The following DISC1 variants were observed in gnomAD, a reference collection of about 807,000 sequenced individuals.
DISC1 encodes disrupted in schizophrenia 1 protein.
Under a neutral mutation model 84.5 loss-of-function variants are expected in DISC1, and 57 were observed. The ratio of observed to expected loss-of-function variants is 0.67; its 90% CI spans 0.55 to 0.84. The LOEUF is 0.84. Ranked by LOEUF, DISC1 falls within the 40% of genes least tolerant of loss-of-function variation. DISC1 has a pLI of 0.00. For missense variants in DISC1, 1,000 were observed against 1,057.8 expected, an observed-to-expected ratio of 0.95 and a Z score of 0.76; for synonymous variants, 411 against 415.2, an observed-to-expected ratio of 0.99 and a Z score of 0.12.
At chr1:231,635,465 C>T (rs895047614) in intron 1 of DISC1, among the ~76,000 whole-genome samples, 1 of 152,048 alleles carries the variant, frequency 6.6e-6, no homozygotes, top group Non-Finnish European at 1.5e-5. Flanking sequence ...TCTCTGGAAT[C>T]GTCTGCTCTC....
At chr1:231,747,250 C>A (rs11585478) in intron 3 of DISC1, among the ~76,000 whole-genome samples, 33,834 of 151,878 alleles carry the variant, frequency 0.22, 3,964 homozygotes, top group East Asian at 0.43. Context: ...GTTTTCTTTG[C>A]TGTGCAGAAG....
intron 9 of DISC1, among the ~76,000 whole-genome samples, chr1:231,944,325 A>G (rs2091499120): frequency 6.6e-6 from 1 of 152,186 alleles, no homozygotes; most frequent in African/African-American, 2.4e-5. Flanking sequence ...AGCTACTCCC[A>G]GCTGTCAGCC....
chr1:231,726,839 TATC>T (rs1355470723), intron 3 of DISC1, among the ~76,000 whole-genome samples: 1 of 152,166 alleles, frequency 6.6e-6, no homozygotes, highest in Non-Finnish European at 1.5e-5. Context: ...TTTCTAGAAA[TATC>T]ATATCCATAA....
chr1:231,958,761 G>A, intron 9 of DISC1, 67 bp from the exon 10 acceptor site: 2 of 1,496,330 alleles, frequency 1.3e-6, no homozygotes, highest in Admixed American at 1.7e-5. Flanking sequence ...TGAGCTTTTA[G>A]TTGAATGGTT....
At chr1:231,972,026 T>G (rs1662032848) in intron 10 of DISC1, among the ~76,000 whole-genome samples, 1 of 152,246 alleles carries the variant, frequency 6.6e-6, no homozygotes, top group Non-Finnish European at 1.5e-5. Flanking sequence ...ATGCTGGTTA[T>G]CAGCTGTGGT....
chr1:232,003,843 A>G (rs1195492588), intron 10 of DISC1, among the ~76,000 whole-genome samples: 2 of 152,020 alleles, frequency 1.3e-5, no homozygotes, highest in Non-Finnish European at 2.9e-5. Context: ...TAACAAGGGA[A>G]CCATTAGGAA....
intron 8 of DISC1, among the ~76,000 whole-genome samples, chr1:231,802,374 A>C (rs2079341141): frequency 6.6e-6 from 1 of 152,092 alleles, no homozygotes; most frequent in African/African-American, 2.4e-5. Context: ...CTTGTGAAGA[A>C]GGTGCCTTGC....
chr1:231,748,602 G>T (rs948668906), intron 3 of DISC1, among the ~76,000 whole-genome samples: 2 of 152,102 alleles, frequency 1.3e-5, no homozygotes, highest in African/African-American at 4.8e-5. Flanking sequence ...CTTGATCATG[G>T]TATATTATCT....
chr1:231,697,868 T>C (rs2065915954), intron 2 of DISC1, among the ~76,000 whole-genome samples: 1 of 152,196 alleles, frequency 6.6e-6, no homozygotes, highest in Non-Finnish European at 1.5e-5. Context: ...TACTACAAAC[T>C]AGTATCCTTT....
intron 10 of DISC1, among the ~76,000 whole-genome samples, chr1:231,982,645 C>T (rs1449266903): frequency 1.3e-5 from 2 of 152,146 alleles, no homozygotes; most frequent in Non-Finnish European, 2.9e-5. Flanking sequence ...CTGGACAGTA[C>T]TACTTTAGAC....
intron 9 of DISC1, among the ~76,000 whole-genome samples, chr1:231,875,464 G>T (rs890160706): frequency 5.3e-5 from 8 of 152,194 alleles, no homozygotes; most frequent in Non-Finnish European, 1.2e-4. Flanking sequence ...GCCTACCAAG[G>T]TTTGAAATCA....
intron 9 of DISC1, among the ~76,000 whole-genome samples, chr1:231,824,854 C>G (rs1009047607): frequency 1.3e-5 from 2 of 151,822 alleles, no homozygotes; most frequent in South Asian, 4.2e-4. Flanking sequence ...ACTGTAGAAC[C>G]AGATCTTGAA....
At chr1:231,869,261 T>C (rs1057362010) in intron 9 of DISC1, among the ~76,000 whole-genome samples, 1 of 152,118 alleles carries the variant, frequency 6.6e-6, no homozygotes, top group African/African-American at 2.4e-5. Flanking sequence ...GGGGAGTCTG[T>C]CTTGTCTTTA....
At chr1:231,805,006 A>G (rs1051911394) in intron 8 of DISC1, among the ~76,000 whole-genome samples, 2 of 152,244 alleles carry the variant, frequency 1.3e-5, no homozygotes, top group South Asian at 4.1e-4. Flanking sequence ...GTAGGCTAGT[A>G]TAGGAAATCT....
intron 1 of DISC1, among the ~76,000 whole-genome samples, chr1:231,658,592 C>A (rs895809172): frequency 6.6e-6 from 1 of 152,116 alleles, no homozygotes; most frequent in African/African-American, 2.4e-5. Flanking sequence ...TTTGCCCAGT[C>A]AGTATGATAT....
chr1:231,807,643 T>C (rs1275488549), intron 8 of DISC1, among the ~76,000 whole-genome samples: 1 of 152,182 alleles, frequency 6.6e-6, no homozygotes, highest in Non-Finnish European at 1.5e-5. Context: ...TCTCATAGGA[T>C]CCATCCTCTG....
intron 10 of DISC1, among the ~76,000 whole-genome samples, chr1:231,982,989 A>G (rs139024360): frequency 8.1e-4 from 123 of 152,312 alleles, no homozygotes; most frequent in African/African-American, 2.8e-3. Context: ...AGACAAGTCT[A>G]AAAAATGTAA....
At chr1:231,688,460 T>C (rs2064582323) in intron 1 of DISC1, among the ~76,000 whole-genome samples, 1 of 152,212 alleles carries the variant, frequency 6.6e-6, no homozygotes, top group Non-Finnish European at 1.5e-5. Flanking sequence ...ACCTTTTGTT[T>C]CTGGTAGAAA....
chr1:231,693,322 CA>C (rs1399246475), intron 1 of DISC1, among the ~76,000 whole-genome samples: 1 of 152,248 alleles, frequency 6.6e-6, no homozygotes, highest in Non-Finnish European at 1.5e-5. Context: ...CCATGGTCTG[CA>C]GCAACAGATC....
Sources: allele counts gnomAD v4.1 joint callset (sites outside exome capture counted in the v4.1 genomes callset), GRCh38; gene constraint gnomAD v4.1.1; transcripts MANE v1.5; gene names NCBI Gene and HGNC (gene_info 2026-07-23, HGNC 2026-07-21).